The following CORO1C variants were observed in gnomAD, a reference collection of about 807,000 sequenced individuals.
CORO1C encodes coronin-1C.
In CORO1C, 14 loss-of-function variants were observed where a neutral mutation model predicts 51.2. The ratio of observed to expected loss-of-function variants is 0.27; its 90% CI spans 0.18 to 0.43. The LOEUF (loss-of-function observed/expected upper bound fraction) is 0.43. Among genes scored for constraint, CORO1C ranks in the 20% least tolerant of loss-of-function variants. The probability of loss-of-function intolerance (pLI) is 1.00; values close to 1 mark genes in which losing one functional copy is unlikely to be tolerated. For missense variants in CORO1C, 417 were observed against 607.8 expected, an observed-to-expected ratio of 0.69 and a Z score of 3.30; for synonymous variants, 181 against 210.5, an observed-to-expected ratio of 0.86 and a Z score of 1.21.
chr12:108,701,133 A>T lies in CORO1C; in HGVS notation c.186T>A (p.Pro62=), dbSNP rs530991776. The change falls in exon 2 of 11, where the codon CCT becomes CCA. Residue 62 remains proline (P), a synonymous_variant. Coordinates refer to ENST00000261401, the MANE Select transcript of CORO1C (RefSeq NM_014325.4). ...AGATCAAATTACCTACCTTGTGCAG[A>T]GGGAGGACAAGGAACGCTCCTCCCC... ...ASGGGAFLVL[P]LHKTGRIDKS... 1.2e-6 allele frequency: 2 copies of T among 1,614,104 alleles called. No individual in the cohort carries two copies. Among genetic ancestry groups the T allele is most frequent in the South Asian group, 2.2e-5 (2 of 91,086 alleles).
chr12:108,662,797 GA>G (rs1161895761), intron 3 of CORO1C, among the ~76,000 whole-genome samples: 1 of 151,878 alleles, frequency 6.6e-6, no homozygotes. Context: ...ATGTATTATA[GA>G]AAATATTACA....
At chr12:108,672,556 G>C (rs1365726531) in intron 3 of CORO1C, among the ~76,000 whole-genome samples, 1 of 152,076 alleles carries the variant, frequency 6.6e-6, no homozygotes, top group East Asian at 1.9e-4. Flanking sequence ...CTGTGTGAAA[G>C]AAAGGAGATG....
At chr12:108,665,623 C>G (rs1024853264) in intron 3 of CORO1C, among the ~76,000 whole-genome samples, 4 of 152,142 alleles carry the variant, frequency 2.6e-5, no homozygotes, top group Non-Finnish European at 5.9e-5. Context: ...TGGGCCACTA[C>G]CTGTGATGAT....
intron 2 of CORO1C, among the ~76,000 whole-genome samples, chr12:108,684,898 A>G (rs1405383565): frequency 6.6e-6 from 1 of 152,144 alleles, no homozygotes; most frequent in Non-Finnish European, 1.5e-5. Flanking sequence ...CCAAGGAAAA[A>G]AGCTTTTCTA....
Position 108,712,027 on chromosome 12 carries a change from G to A in CORO1C, c.-5-10704C>T, listed in dbSNP as rs750035308. 5.4e-4 allele frequency among the ~76,000 whole-genome samples: 82 copies of A among 152,230 alleles called. 1 individual carries two copies. The highest frequency in any genetic ancestry group is 5.0e-3 in the Admixed American group (77 of 15,288). The stretch of plus-strand genomic sequence containing the variant: ...CCATTTGCTGAGACCATTCCAGGGC[G>A]TCGATTACTCAAGCGTTCAGTGGGC... On this transcript the variant is annotated intron_variant, in intron 1 of 10. Coordinates refer to ENST00000261401, the MANE Select transcript of CORO1C (RefSeq NM_014325.4).
intron 2 of CORO1C, among the ~76,000 whole-genome samples, chr12:108,684,850 CATT>C (rs1390724679): frequency 6.6e-6 from 1 of 151,918 alleles, no homozygotes; most frequent in Non-Finnish European, 1.5e-5. Flanking sequence ...TACACCAATG[CATT>C]ATTATTAAAT....
chr12:108,727,245 C>T (rs2035615068), intron 1 of CORO1C, among the ~76,000 whole-genome samples: 1 of 152,178 alleles, frequency 6.6e-6, no homozygotes, highest in East Asian at 1.9e-4. Context: ...GCAAACAGTC[C>T]TGATGAATGT....
chr12:108,652,156 T>A, intron 8 of CORO1C, 116 bp downstream of exon 8: 1 of 894,360 alleles, frequency 1.1e-6, no homozygotes, highest in South Asian at 1.8e-5. Flanking sequence ...ATTCTACTAC[T>A]TTCTTGCTCA....
In CORO1C at chr12:108,648,599, C is replaced by T; in HGVS notation, c.1305+6G>A. 2 of 1,614,126 alleles carry T rather than the reference C, an allele frequency of 1.2e-6. No individual in the cohort carries two copies. The highest frequency in any genetic ancestry group is 1.7e-6 in the Non-Finnish European group (2 of 1,180,026). On this transcript the variant is annotated splice_donor_region_variant and intron_variant, in intron 10 of 10. Coordinates refer to ENST00000261401, the MANE Select transcript of CORO1C (RefSeq NM_014325.4). The stretch of plus-strand genomic sequence containing the variant: ...CCAAGCACCCCTGCACTCCACTGGT[C>T]CTCACCACACTGGCCGTGTCTGTGG...
At chr12:108,684,168 G>A (rs1173131171) in intron 2 of CORO1C, among the ~76,000 whole-genome samples, 1 of 152,194 alleles carries the variant, frequency 6.6e-6, no homozygotes, top group African/African-American at 2.4e-5. Context: ...AAGAAAATCT[G>A]AAGACGCAAT....
chr12:108,645,661 G>A lies in CORO1C; in HGVS notation c.*1742C>T, dbSNP rs2032322197. 6.6e-6 allele frequency: 1 copy of A among 152,168 alleles called. No individual in the cohort carries two copies. Among genetic ancestry groups the A allele is most frequent in the African/African-American group, 2.4e-5 (1 of 41,416 alleles). The allele number at this position is 152,168 out of a possible 1,614,324, so 9.4% of individuals were successfully genotyped here. On this transcript the variant is annotated 3_prime_UTR_variant, in exon 11 of 11. Transcript: ENST00000261401. ...GAGACAGCACTCCCAGTATTGGCTG[G>A]ATAAGAACATGGTCCTTTTTCTACA...
intron 3 of CORO1C, among the ~76,000 whole-genome samples, chr12:108,674,835 C>T (rs1372025560): frequency 2.0e-5 from 3 of 152,180 alleles, no homozygotes; most frequent in African/African-American, 2.4e-5. Flanking sequence ...ATGGAATGTA[C>T]TCCTGGTAAC....
chr12:108,658,290 C>T lies in CORO1C; in HGVS notation c.630+448G>A, dbSNP rs1400882153. On this transcript the variant is annotated intron_variant, in intron 5 of 10. Transcript: ENST00000261401. The surrounding 1 kb of genome is among the most constrained non-coding windows in gnomAD (Gnocchi z 4.9). Reference sequence around the variant, plus strand: ...CAAACTCCTGACCTCAAATGATCCACCCACCTCGGCCTCCCAAAGTGCTGG... The same window carrying T: ...CAAACTCCTGACCTCAAATGATCCATCCACCTCGGCCTCCCAAAGTGCTGG... 1.3e-5 allele frequency among the ~76,000 whole-genome samples: 2 copies of T among 152,130 alleles called. No individual in the cohort carries two copies. The highest frequency in any genetic ancestry group is 2.4e-5 in the African/African-American group (1 of 41,404).
At chr12:108,729,033 G>C (rs2035654848) in intron 1 of CORO1C, among the ~76,000 whole-genome samples, 1 of 152,128 alleles carries the variant, frequency 6.6e-6, no homozygotes, top group Non-Finnish European at 1.5e-5. Flanking sequence ...TAAAGTACCA[G>C]TTTGTGACAA....
At chr12:108,718,928 A>G (rs2035407442) in intron 1 of CORO1C, among the ~76,000 whole-genome samples, 1 of 152,350 alleles carries the variant, frequency 6.6e-6, no homozygotes, top group East Asian at 1.9e-4. Flanking sequence ...GCACACATTC[A>G]ATTTCACCAA....
rs769060514 is a variant in CORO1C, at chr12:108,648,888, G to C, written c.1060-38C>G. The C allele has an allele frequency of 1.4e-5, 23 of 1,613,086 alleles. 1 individual carries two copies. The South Asian group carries it at 2.0e-4, about 14-fold the overall frequency. ...TTTGGCACCCGTGGGTAAGGAAGAAGAAAGGCCTGGGATTTTTGAATTTTA... is the reference window on the plus strand; with the variant it reads ...TTTGGCACCCGTGGGTAAGGAAGAACAAAGGCCTGGGATTTTTGAATTTTA... On this transcript the variant is annotated intron_variant, in intron 9 of 10. Coordinates refer to ENST00000261401, the MANE Select transcript of CORO1C (RefSeq NM_014325.4).
intron 3 of CORO1C, among the ~76,000 whole-genome samples, chr12:108,674,322 G>A (rs139566146): frequency 1.3e-5 from 2 of 152,320 alleles, no homozygotes; most frequent in East Asian, 3.9e-4. Flanking sequence ...GCCAAGGCGG[G>A]CGGATCGCGA....
intron 1 of CORO1C, among the ~76,000 whole-genome samples, chr12:108,705,009 T>C (rs2034987094): frequency 6.6e-6 from 1 of 152,176 alleles, no homozygotes; most frequent in South Asian, 2.1e-4. Flanking sequence ...TAATAGTACC[T>C]TGTATGGTTA....
rs1449085071 is a variant in CORO1C, at chr12:108,658,890, C to T, written c.478G>A (p.Val160Met). The change falls in exon 5 of 11, where the codon GTG (valine) becomes ATG (methionine). Residue 160 changes from valine (V) to methionine (M), a missense_variant. By Grantham distance (21) the Val-to-Met change is conservative (BLOSUM62 1). Transcript: ENST00000261401. The surrounding 1 kb of genome is among the most constrained non-coding windows in gnomAD (Gnocchi z 4.9). ...TTTATAAGGGCTTCCCCTGTTCCCA[C>T]ATTCCAGATGATAATGGCATTATCA... ...GCDNAIIIWN[V>M]GTGEALINLD... 1 of 1,611,918 alleles carries T rather than the reference C, an allele frequency of 6.2e-7. No individual in the cohort carries two copies. Among genetic ancestry groups the T allele is most frequent in the East Asian group, 2.2e-5 (1 of 44,810 alleles).
Sources: allele counts gnomAD v4.1 joint callset (sites outside exome capture counted in the v4.1 genomes callset), GRCh38; gene constraint gnomAD v4.1.1; non-coding constraint Gnocchi (gnomAD v3.1); transcripts MANE v1.5; gene names NCBI Gene and HGNC (gene_info 2026-07-23, HGNC 2026-07-21).